NELL1: variants seen among roughly 807,000 people sequenced by gnomAD.
The protein encoded by NELL1 is neural EGFL like 1.
NELL1 carries 76 observed loss-of-function variants against 107.4 expected under a neutral mutation model. That is an observed-to-expected ratio of 0.71 (90% confidence interval 0.59 to 0.86). The LOEUF (loss-of-function observed/expected upper bound fraction) is 0.86, where lower values mean the gene tolerates loss of function less well. NELL1 is among the 40% of genes least tolerant of loss of function. NELL1 has a pLI of 0.00. For missense variants in NELL1, 1,024 were observed against 1,005.5 expected (o/e 1.02, Z -0.25); for synonymous variants, 353 against 341.2 (o/e 1.03, Z -0.38).
chr11:21,127,121 G>A (rs939964558), intron 13 of NELL1, among the ~76,000 whole-genome samples: 2 of 152,130 alleles, frequency 1.3e-5, no homozygotes, highest in Non-Finnish European at 2.9e-5. Context: ...AGAGAAGACT[G>A]GTCTAGGTTG....
chr11:21,423,028 T>C (rs923784526), intron 15 of NELL1, among the ~76,000 whole-genome samples: 4 of 152,084 alleles, frequency 2.6e-5, no homozygotes, highest in Non-Finnish European at 4.4e-5. Context: ...AAAGTGAACA[T>C]GGGTTGCTAT....
At chr11:20,864,098 GAA>G (rs796183771) in intron 4 of NELL1, among the ~76,000 whole-genome samples, 3 of 22,994 alleles carry the variant, frequency 1.3e-4, no homozygotes, top group African/African-American at 2.1e-4. Context: ...GGAGACCGTG[GAA>G]AGAGAGGGAG....
intron 15 of NELL1, among the ~76,000 whole-genome samples, chr11:21,396,785 T>A (rs1851991806): frequency 6.6e-6 from 1 of 151,500 alleles, no homozygotes; most frequent in African/African-American, 2.4e-5. Context: ...CATTAAGGAA[T>A]GATTTAGACA....
chr11:20,997,823 A>G (rs1007856794), intron 12 of NELL1, among the ~76,000 whole-genome samples: 1 of 152,056 alleles, frequency 6.6e-6, no homozygotes, highest in Non-Finnish European at 1.5e-5. Context: ...GAAATTAACA[A>G]ATTAGCTGGG....
At chr11:21,190,502 C>T (rs1027917635) in intron 13 of NELL1, among the ~76,000 whole-genome samples, 1 of 151,786 alleles carries the variant, frequency 6.6e-6, no homozygotes, top group Non-Finnish European at 1.5e-5. Context: ...AGGAACTGAC[C>T]CTAGATTGGG....
At chr11:21,252,579 T>C (rs1858667960) in intron 14 of NELL1, among the ~76,000 whole-genome samples, 1 of 152,162 alleles carries the variant, frequency 6.6e-6, no homozygotes, top group Non-Finnish European at 1.5e-5. Flanking sequence ...CTCAGATATA[T>C]TTTGATATCC....
At chr11:20,934,892 G>T (rs1015113742) in intron 9 of NELL1, among the ~76,000 whole-genome samples, 1 of 152,156 alleles carries the variant, frequency 6.6e-6, no homozygotes, top group Non-Finnish European at 1.5e-5. Context: ...GATGATCAGG[G>T]ATAGATTTTT....
intron 4 of NELL1, among the ~76,000 whole-genome samples, chr11:20,850,961 TA>T (rs1259204862): frequency 2.0e-5 from 3 of 152,166 alleles, no homozygotes. Flanking sequence ...AATAAGCATA[TA>T]ACCCAAACTT....
chr11:20,797,636 A>G (rs1857199491), intron 3 of NELL1, among the ~76,000 whole-genome samples: 1 of 150,094 alleles, frequency 6.7e-6, no homozygotes, highest in South Asian at 2.1e-4. Flanking sequence ...AGATAAGAGG[A>G]CAGAATCCTG....
At chr11:21,111,219 C>T (rs1447289226) in intron 12 of NELL1, among the ~76,000 whole-genome samples, 1 of 152,064 alleles carries the variant, frequency 6.6e-6, no homozygotes, top group Non-Finnish European at 1.5e-5. Context: ...ACATTTTGCT[C>T]AATGCCTTGC....
At chr11:21,097,585 G>T (rs1854679198) in intron 12 of NELL1, among the ~76,000 whole-genome samples, 2 of 152,088 alleles carry the variant, frequency 1.3e-5, no homozygotes, top group African/African-American at 4.8e-5. Flanking sequence ...CAATTTCGGG[G>T]GAACAATGGG....
At chr11:21,333,643 T>C (rs1461195148) in intron 14 of NELL1, among the ~76,000 whole-genome samples, 1 of 152,048 alleles carries the variant, frequency 6.6e-6, no homozygotes, top group Non-Finnish European at 1.5e-5. Context: ...TTGTCGTCTA[T>C]ATTCAGCTCC....
At chr11:20,881,627 C>T (rs1849409568) in intron 4 of NELL1, among the ~76,000 whole-genome samples, 1 of 152,232 alleles carries the variant, frequency 6.6e-6, no homozygotes, top group African/African-American at 2.4e-5. Flanking sequence ...TCTGCTCTTT[C>T]AGCTCCACTT....
chr11:21,205,019 A>G (rs919024945), intron 13 of NELL1, among the ~76,000 whole-genome samples: 5 of 152,148 alleles, frequency 3.3e-5, no homozygotes, highest in Non-Finnish European at 7.3e-5. Context: ...TATGCCAGCC[A>G]GAGATCTCCT....
intron 4 of NELL1, among the ~76,000 whole-genome samples, chr11:20,848,338 A>G (rs1298526111): frequency 6.6e-6 from 1 of 152,154 alleles, no homozygotes; most frequent in East Asian, 1.9e-4. Flanking sequence ...GGGGTTTCAC[A>G]GGAGGTTTTG....
chr11:21,025,239 A>G (rs935710306), intron 12 of NELL1, among the ~76,000 whole-genome samples: 9 of 152,026 alleles, frequency 5.9e-5, no homozygotes, highest in African/African-American at 2.2e-4. Context: ...AGCATTCTCT[A>G]TTGAGCTTTT....
intron 13 of NELL1, among the ~76,000 whole-genome samples, chr11:21,143,789 A>T (rs1855917769): frequency 6.6e-6 from 1 of 152,182 alleles, no homozygotes; most frequent in Non-Finnish European, 1.5e-5. Context: ...CTGTAGACAG[A>T]TTCTCCATTA....
At chr11:21,003,784 T>A (rs756589306) in intron 12 of NELL1, among the ~76,000 whole-genome samples, 7 of 152,212 alleles carry the variant, frequency 4.6e-5, no homozygotes, top group South Asian at 2.1e-4. Context: ...TTTTTTAATT[T>A]TTTTATTTTA....
chr11:20,718,794 A>G (rs141400105), intron 2 of NELL1, among the ~76,000 whole-genome samples: 2 of 152,198 alleles, frequency 1.3e-5, no homozygotes, highest in African/African-American at 2.4e-5. Context: ...CCAAATGTTG[A>G]TGAGGCAGAA....
Sources: gnomAD v4.1 joint callset for allele counts (sites outside exome capture counted in the v4.1 genomes callset) on GRCh38, gnomAD v4.1.1 for gene constraint, MANE v1.5 for transcripts, NCBI Gene and HGNC (gene_info 2026-07-23, HGNC 2026-07-21) for gene names.